The following FAM118B variants were observed in gnomAD, a reference collection of about 807,000 sequenced individuals.
The protein encoded by FAM118B is SIR2 antiphage like 1.
In FAM118B, 24 loss-of-function variants were observed where a neutral mutation model predicts 38.5. The observed-to-expected ratio is 0.62, with a 90% CI of 0.45 to 0.88. FAM118B has a LOEUF of 0.88. Ranked by LOEUF, FAM118B falls within the 40% of genes least tolerant of loss-of-function variation. FAM118B has a pLI of 0.00. For synonymous variants in FAM118B, 138 were observed against 156.3 expected, an observed-to-expected ratio of 0.88 and a Z score of 0.87; for missense variants, 334 against 420.0, an observed-to-expected ratio of 0.80 and a Z score of 1.79.
rs1376799315 is a variant in FAM118B at position 126,256,725 on chromosome 11, G to A, written c.855G>A (p.Glu285=). The A allele has an allele frequency of 6.2e-7, 1 of 1,614,156 alleles. No individual in the cohort carries two copies. The highest frequency in any genetic ancestry group is 1.7e-5 in the Admixed American group (1 of 60,010). ...TGGTTCGGAGAGGAGACGTAGATGA[G>A]TTCAAAAAGCTTCGAGAAAACATGC... ...FMLVRRGDVD[E]FKKLRENMLD... The change falls in exon 7 of 9, where the codon GAG becomes GAA. Residue 285 remains glutamate, a synonymous_variant. Coordinates refer to ENST00000533050, the MANE Select transcript of FAM118B (RefSeq NM_024556.4). This position sits in a 1 kb window ranked among gnomAD's most constrained non-coding sequence, Gnocchi z 6.6.
At chr11:126,227,798 A>G (rs1447279737) in intron 1 of FAM118B, among the ~76,000 whole-genome samples, 1 of 151,990 alleles carries the variant, frequency 6.6e-6, no homozygotes, top group African/African-American at 2.4e-5. Flanking sequence ...AATTTTCAAA[A>G]TTTGTTATTT....
rs192433808 is a variant in FAM118B, at chr11:126,247,866, A to T, written c.340-2640A>T. Among the ~76,000 whole-genome samples, 1,248 of 144,932 alleles carry T rather than the reference A, an allele frequency of 8.6e-3. 27 individuals carry two copies. The highest frequency in any genetic ancestry group is 0.042 in the Admixed American group (611 of 14,398). On this transcript the variant is annotated intron_variant, in intron 4 of 8. Transcript: ENST00000533050. ...GATCGAGACTCCATCTCAAAAAAAA[A>T]ATATATATATATATCTATATATATA...
At chr11:126,240,143 A>C (rs751928570) in intron 3 of FAM118B, among the ~76,000 whole-genome samples, 19 of 152,156 alleles carry the variant, frequency 1.2e-4, no homozygotes, top group Non-Finnish European at 2.1e-4. Flanking sequence ...AGAACAGAGA[A>C]GTCTGTCTCT....
At position 126,256,458 on chromosome 11, in the gene FAM118B, C is replaced by G. The variant is rs573846007; in HGVS notation, c.697-109C>G. 1 of 958,868 alleles carries G rather than the reference C, an allele frequency of 1.0e-6. No individual in the cohort carries two copies. The highest frequency in any genetic ancestry group is 1.5e-6 in the Non-Finnish European group (1 of 645,480). 59.4% of individuals were successfully genotyped at this position (958,868 alleles called of 1,614,324 possible). ...ATGGGACATACCAACCCACTTAAGT[C>G]TTGCTTAATTGGTCATCACAGTCTG... is the stretch of plus-strand genomic sequence containing the variant. On this transcript the variant is annotated intron_variant, in intron 6 of 8. Transcript: ENST00000533050. The surrounding 1 kb of genome is among the most constrained non-coding windows in gnomAD (Gnocchi z 6.6).
At chr11:126,238,620 A>G (rs549334030) in intron 3 of FAM118B, among the ~76,000 whole-genome samples, 30 of 152,302 alleles carry the variant, frequency 2.0e-4, no homozygotes, top group African/African-American at 7.0e-4. Context: ...AGCTGTGTGC[A>G]GTGTTCTCAG....
intron 4 of FAM118B, among the ~76,000 whole-genome samples, chr11:126,248,526 C>T (rs1009972443): frequency 2.0e-5 from 3 of 151,748 alleles, no homozygotes; most frequent in Admixed American, 1.3e-4. Context: ...ACCACCACCA[C>T]GCCCAGCTAA....
At chr11:126,224,890 C>T (rs536046354) in intron 1 of FAM118B, among the ~76,000 whole-genome samples, 78 of 152,308 alleles carry the variant, frequency 5.1e-4, no homozygotes, top group African/African-American at 1.8e-3. Flanking sequence ...AGAGATCTCC[C>T]ATCCCATGAA....
chr11:126,222,575 G>T (rs1381657101), intron 1 of FAM118B, among the ~76,000 whole-genome samples: 1 of 152,206 alleles, frequency 6.6e-6, no homozygotes, highest in Non-Finnish European at 1.5e-5. Context: ...AACCTCCAAA[G>T]CAGGTGAGAA....
chr11:126,241,163 CTTG>C lies in FAM118B; in HGVS notation c.339+121_339+123del, dbSNP rs760836255. ...ATGTAACAGGGATATTCATTTACAGCTTGTAGGTTTCCATAACATTTGACTCTT... is the reference window on the plus strand; with the variant it reads ...ATGTAACAGGGATATTCATTTACAGCTAGGTTTCCATAACATTTGACTCTT... On this transcript the variant is annotated intron_variant, in intron 4 of 8. Transcript: ENST00000533050. 1.1e-4 allele frequency: 126 copies of C among 1,107,486 alleles called. 1 individual carries two copies. Among genetic ancestry groups the C allele is most frequent in the Non-Finnish European group, 1.6e-4 (121 of 778,384 alleles). The allele number at this position is 1,107,486 out of a possible 1,614,324, so 68.6% of individuals were successfully genotyped here. A position where few individuals can be genotyped will look rare whatever the true frequency, so the allele number is the denominator to read the frequency against.
In FAM118B at chr11:126,250,547, A is replaced by G. The variant is rs371459202; in HGVS notation, c.381A>G (p.Leu127=). 5 of 1,614,144 alleles carry G rather than the reference A, an allele frequency of 3.1e-6. No homozygotes were observed. Among genetic ancestry groups the G allele is most frequent in the African/African-American group, 1.3e-5 (1 of 75,052 alleles). ...GATCCACATTTTTCAAGGACTGTTT[A>G]TATGAAGTATTTGATGACTTGGAGT... ...NVRSTFFKDC[L]YEVFDDLESK... The change falls in exon 5 of 9, where the codon TTA becomes TTG. Residue 127 remains leucine (L), a synonymous_variant. Transcript: ENST00000533050. This position sits in a 1 kb window ranked among gnomAD's most constrained non-coding sequence, Gnocchi z 5.1.
At chr11:126,213,604 A>T (rs1057171425) in intron 1 of FAM118B, among the ~76,000 whole-genome samples, 2 of 152,238 alleles carry the variant, frequency 1.3e-5, no homozygotes, top group Non-Finnish European at 2.9e-5. Flanking sequence ...ACTTAAATTC[A>T]TATCATTACA....
Position 126,262,115 on chromosome 11 carries a change from T to C in FAM118B, c.1043-5T>C. ...CATTTTGTTCTCTTTTCTTTCTCCC[T>C]ACAGGCTGTAGTACATGAGCGAGCT... On this transcript the variant is annotated splice_region_variant and splice_polypyrimidine_tract_variant and intron_variant, in intron 8 of 8. Coordinates refer to ENST00000533050, the MANE Select transcript of FAM118B (RefSeq NM_024556.4). The C allele has an allele frequency of 6.2e-7, 1 of 1,614,112 alleles. No individual in the cohort carries two copies. The highest frequency in any genetic ancestry group is 8.5e-7 in the Non-Finnish European group (1 of 1,179,982).
intron 2 of FAM118B, among the ~76,000 whole-genome samples, chr11:126,229,609 A>C (rs563661359): frequency 4.6e-5 from 7 of 152,018 alleles, no homozygotes; most frequent in African/African-American, 1.7e-4. Flanking sequence ...CACCCGGCTA[A>C]ATTTTGTATT....
At chr11:126,239,079 C>T (rs1950319996) in intron 3 of FAM118B, among the ~76,000 whole-genome samples, 1 of 150,566 alleles carries the variant, frequency 6.6e-6, no homozygotes, top group South Asian at 2.1e-4. Flanking sequence ...CTCACGTGAT[C>T]CTCCCGTGAA....
Position 126,256,831 on chromosome 11 carries a change from A to G in FAM118B, c.961A>G (p.Ile321Val). The change falls in exon 7 of 9, where the codon ATC becomes GTC. Residue 321 changes from isoleucine to valine, a missense_variant. This residue lies in a region of FAM118B where 88 missense variants were observed against 98.1 expected (regional missense o/e 0.90). Coordinates refer to ENST00000533050, the MANE Select transcript of FAM118B (RefSeq NM_024556.4). The surrounding 1 kb of genome is among the most constrained non-coding windows in gnomAD (Gnocchi z 6.6). Reference protein sequence around the residue: ...PEYFKRLTCEISTRGTSAGMV... With the variant: ...PEYFKRLTCEVSTRGTSAGMV... ...ATATTTCAAGCGACTGACATGTGAG[A>G]TCTCCACAAGGGGTACATCAGGTAA... The G allele has an allele frequency of 6.2e-7, 1 of 1,613,688 alleles. No homozygotes were observed. The highest frequency in any genetic ancestry group is 8.5e-7 in the Non-Finnish European group (1 of 1,179,828).
chr11:126,246,980 G>A (rs1565336298), intron 4 of FAM118B, among the ~76,000 whole-genome samples: 1 of 152,122 alleles, frequency 6.6e-6, no homozygotes, highest in Non-Finnish European at 1.5e-5. Flanking sequence ...AACAAAGCGG[G>A]ACCCCCTATC....
intron 2 of FAM118B, chr11:126,233,837 T>C (rs774076253): frequency 2.2e-5 from 9 of 416,906 alleles, no homozygotes; most frequent in Non-Finnish European, 4.2e-5. Flanking sequence ...AATCCCAACA[T>C]TTTGGGAGGC....
At chr11:126,224,658 A>C (rs991233310) in intron 1 of FAM118B, among the ~76,000 whole-genome samples, 4 of 152,142 alleles carry the variant, frequency 2.6e-5, no homozygotes, top group African/African-American at 9.7e-5. Context: ...AAAGGCATGG[A>C]AACCTGTACA....
chr11:126,234,538 G>C (rs1009655450), intron 2 of FAM118B, among the ~76,000 whole-genome samples: 4 of 152,206 alleles, frequency 2.6e-5, no homozygotes, highest in African/African-American at 9.7e-5. Flanking sequence ...TGATTGTTCT[G>C]TTCTTGACTC....
Sources: gnomAD v4.1 joint callset for allele counts (sites outside exome capture counted in the v4.1 genomes callset) on GRCh38, gnomAD v4.1.1 for gene constraint, gnomAD v4.1.1 regional missense constraint, Gnocchi (gnomAD v3.1) non-coding constraint, MANE v1.5 for transcripts, NCBI Gene and HGNC (gene_info 2026-07-23, HGNC 2026-07-21) for gene names.